The following VTI1A variants were observed in gnomAD, a reference collection of about 807,000 sequenced individuals.
VTI1A encodes the protein vesicle transport through interaction with t-SNAREs 1A.
In VTI1A, 22 loss-of-function variants were observed where a neutral mutation model predicts 34.9. The ratio of observed to expected loss-of-function variants is 0.63; its 90% CI spans 0.45 to 0.90. The LOEUF (loss-of-function observed/expected upper bound fraction) is 0.90, where lower values mean the gene tolerates loss of function less well. VTI1A is among the 40% of genes least tolerant of loss of function. The pLI is 0.00. For missense variants in VTI1A, 268 were observed against 275.6 expected (o/e 0.97, Z 0.20); for synonymous variants, 87 against 97.3 (o/e 0.89, Z 0.62).
chr10:112,826,501 T>C, the VTI1A span: 3 of 152,258 alleles, frequency 2.0e-5, no homozygotes, highest in African/African-American at 7.2e-5. Context: ...TCCCAGCAAG[T>C]TGTGAAATGG....
chr10:112,489,645 G>C (rs980737665), intron 3 of VTI1A, among the ~76,000 whole-genome samples: 1 of 152,114 alleles, frequency 6.6e-6, no homozygotes, highest in African/African-American at 2.4e-5. Context: ...GTAAAACTCA[G>C]TTCCCAGCTG....
chr10:112,531,730 A>G (rs1199400372), intron 4 of VTI1A, among the ~76,000 whole-genome samples: 1 of 152,210 alleles, frequency 6.6e-6, no homozygotes, highest in Non-Finnish European at 1.5e-5. Flanking sequence ...TAAGTATCAT[A>G]GTCAACCAAA....
In VTI1A at chr10:112,457,805, C is replaced by T. The variant is rs140806271; in HGVS notation, c.95-2719C>T. Among the ~76,000 whole-genome samples, 461 of 152,146 alleles carry T rather than the reference C, an allele frequency of 3.0e-3. 3 individuals are homozygous for T. The highest frequency in any genetic ancestry group is 0.011 in the African/African-American group (450 of 41,506). On this transcript the variant is annotated intron_variant, in intron 1 of 7. Coordinates refer to ENST00000393077, the MANE Select transcript of VTI1A (RefSeq NM_145206.4). The stretch of plus-strand genomic sequence containing the variant: ...AAAAATACAATGCCTAACAGAGGAC[C>T]GTGAGACAGGAGTGAGCCTTCAGGA...
chr10:112,709,995 A>AT (rs1341241290), intron 7 of VTI1A, among the ~76,000 whole-genome samples: 1 of 143,044 alleles, frequency 7.0e-6, no homozygotes, highest in Non-Finnish European at 1.5e-5. Context: ...TGTTGGACAG[A>AT]TCTAGTATGC....
chr10:112,723,269 A>G (rs1326616514), intron 7 of VTI1A, among the ~76,000 whole-genome samples: 1 of 152,176 alleles, frequency 6.6e-6, no homozygotes, highest in Non-Finnish European at 1.5e-5. Context: ...ACCTATAGAA[A>G]AAGTGCTCTT....
rs112633753 is a variant in VTI1A, at chr10:112,782,088, A to G, written c.561-33202A>G. 2.7e-3 allele frequency among the ~76,000 whole-genome samples: 405 copies of G among 152,320 alleles called. 3 individuals carry two copies. The highest frequency in any genetic ancestry group is 9.3e-3 in the African/African-American group (386 of 41,570). On this transcript the variant is annotated intron_variant, in intron 7 of 7. Coordinates refer to ENST00000393077, the MANE Select transcript of VTI1A (RefSeq NM_145206.4). ...TCCTTTGTAGCGATTACCACAGTTTAAAACTCTATATTATGTACATGTGAT... is the reference window on the plus strand; with the variant it reads ...TCCTTTGTAGCGATTACCACAGTTTGAAACTCTATATTATGTACATGTGAT...
chr10:112,658,178 C>G (rs1348764815), intron 5 of VTI1A, among the ~76,000 whole-genome samples: 1 of 152,174 alleles, frequency 6.6e-6, no homozygotes, highest in Admixed American at 6.5e-5. Flanking sequence ...GCCTCAATCT[C>G]CTAACCTCAA....
chr10:112,496,296 G>A (rs1346720896), intron 3 of VTI1A, among the ~76,000 whole-genome samples: 7 of 151,612 alleles, frequency 4.6e-5, no homozygotes, highest in Non-Finnish European at 7.4e-5. Context: ...TGGGCCAGGT[G>A]CAGTGGCTCA....
At chr10:112,589,054 T>G (rs1324022247) in intron 5 of VTI1A, among the ~76,000 whole-genome samples, 1 of 150,518 alleles carries the variant, frequency 6.6e-6, no homozygotes, top group Non-Finnish European at 1.5e-5. Context: ...TTACAGTGAA[T>G]GTACAAATGT....
intron 7 of VTI1A, among the ~76,000 whole-genome samples, chr10:112,705,944 T>C (rs563584996): frequency 6.6e-6 from 1 of 152,236 alleles, no homozygotes; most frequent in Non-Finnish European, 1.5e-5. Context: ...AAAAATTCTT[T>C]TGTCGTTGTT....
At chr10:112,852,433 C>G in the VTI1A span, among the ~76,000 whole-genome samples, 1 of 152,210 alleles carries the variant, frequency 6.6e-6, no homozygotes, top group Non-Finnish European at 1.5e-5. Context: ...CAATTCTCTG[C>G]CTTCTTTGGA....
intron 7 of VTI1A, among the ~76,000 whole-genome samples, chr10:112,695,898 C>T (rs987149867): frequency 6.6e-6 from 1 of 152,088 alleles, no homozygotes; most frequent in Admixed American, 6.6e-5. Flanking sequence ...TCATTTTTCC[C>T]GTCCTCTGAA....
intron 5 of VTI1A, among the ~76,000 whole-genome samples, chr10:112,539,570 C>T (rs913751433): frequency 1.3e-5 from 2 of 152,072 alleles, no homozygotes; most frequent in African/African-American, 4.8e-5. Context: ...TGTTTGGGAG[C>T]TCATCTTTAG....
intron 3 of VTI1A, among the ~76,000 whole-genome samples, chr10:112,509,438 C>A (rs1849537478): frequency 6.6e-6 from 1 of 152,034 alleles, no homozygotes; most frequent in Non-Finnish European, 1.5e-5. Context: ...GGTGCATTTA[C>A]AATGTGAAAT....
intron 7 of VTI1A, among the ~76,000 whole-genome samples, chr10:112,741,157 A>G (rs1850680054): frequency 6.6e-6 from 1 of 152,150 alleles, no homozygotes; most frequent in Non-Finnish European, 1.5e-5. Flanking sequence ...AGGGGAAATT[A>G]AGAGTGACTA....
Position 112,520,639 on chromosome 10 carries a change from GTGTGTGTGTATATATA to G in VTI1A, c.265-6446_265-6431del, listed in dbSNP as rs1311166752. Among the ~76,000 whole-genome samples the G allele has an allele frequency of 4.9e-4, 63 of 128,260 alleles. 1 individual carries two copies. The South Asian group carries it at 0.017, about 34-fold the overall frequency. 84.1% of individuals were successfully genotyped at this position (128,260 alleles called of 152,430 possible). A position where few individuals can be genotyped will look rare whatever the true frequency, so the allele number is the denominator to read the frequency against. On this transcript the variant is annotated intron_variant, in intron 3 of 7. Transcript: ENST00000393077. ...TCTCTATATGTGTGTGTGTGTGTGTGTGTGTGTGTATATATATATATATATATATATATAAAACCTC... is the reference window on the plus strand; with the variant it reads ...TCTCTATATGTGTGTGTGTGTGTGTGTATATATATATATATATAAAACCTC...
the VTI1A span, among the ~76,000 whole-genome samples, chr10:112,829,183 G>A: frequency 1.6e-4 from 25 of 152,214 alleles, no homozygotes; most frequent in Non-Finnish European, 3.5e-4. Context: ...GGTGGCTCAC[G>A]CCTGTAATCC....
chr10:112,673,717 C>G (rs2133845992), intron 7 of VTI1A, among the ~76,000 whole-genome samples: 1 of 152,332 alleles, frequency 6.6e-6, no homozygotes, highest in African/African-American at 2.4e-5. Context: ...TCATTGCCAC[C>G]TATCATTGCT....
intron 7 of VTI1A, among the ~76,000 whole-genome samples, chr10:112,707,822 G>C (rs12217774): frequency 6.6e-6 from 1 of 152,178 alleles, no homozygotes; most frequent in Admixed American, 6.5e-5. Context: ...AAGAGTATTA[G>C]ACTCTGCCAG....
Sources: gnomAD v4.1 joint callset for allele counts (sites outside exome capture counted in the v4.1 genomes callset) on GRCh38, gnomAD v4.1.1 for gene constraint, MANE v1.5 for transcripts, NCBI Gene and HGNC (gene_info 2026-07-23, HGNC 2026-07-21) for gene names.